CRACR2A: variants seen among roughly 807,000 people sequenced by gnomAD.
CRACR2A encodes calcium release activated channel regulator 2A, also known as EF-hand calcium-binding domain-containing protein 4B.
Under a neutral mutation model 90.5 loss-of-function variants are expected in CRACR2A, and 79 were observed. The ratio of observed to expected loss-of-function variants is 0.87; its 90% CI spans 0.73 to 1.05. The LOEUF is 1.05. Among genes scored for constraint, CRACR2A ranks in the 50% least tolerant of loss-of-function variants. The probability of loss-of-function intolerance (pLI) is 0.00; values close to 1 mark genes in which losing one functional copy is unlikely to be tolerated. For missense variants in CRACR2A, 823 were observed against 897.2 expected (o/e 0.92, Z 1.06); for synonymous variants, 338 against 356.7 (o/e 0.95, Z 0.59).
Position 3,616,935 on chromosome 12 carries a change from G to A in CRACR2A, c.2111+19C>T. ...GCTGGACACAGCAGTTACTGCACCT[G>A]GGGAGCACATCTCTTTACCTGGCCA... On this transcript the variant is annotated intron_variant, in intron 19 of 19. Transcript: ENST00000440314. 1 of 1,540,340 alleles carries A rather than the reference G, an allele frequency of 6.5e-7. No individual in the cohort carries two copies. Among genetic ancestry groups the A allele is most frequent in the African/African-American group, 1.4e-5 (1 of 72,904 alleles).
chr12:3,696,982 C>T lies in CRACR2A; in HGVS notation c.18G>A (p.Gly6=), dbSNP rs774995333. 1.9e-6 allele frequency: 3 copies of T among 1,610,518 alleles called. No homozygotes were observed. The highest frequency in any genetic ancestry group is 2.2e-5 in the South Asian group (2 of 90,886). The change falls in exon 4 of 20, where the codon GGG becomes GGA. Residue 6 remains glycine, a synonymous_variant. Transcript: ENST00000440314. Reference sequence around the variant, plus strand: ...GTCTCTGGGGTCTGGAGACTACCCTCCCGTCAGGGGCAGCCATCGCGATTA... The same window carrying T: ...GTCTCTGGGGTCTGGAGACTACCCTTCCGTCAGGGGCAGCCATCGCGATTA... MAAPD[G]RVVSRPQRLG...
chr12:3,725,317 C>A (rs1466744842), intron 2 of CRACR2A, among the ~76,000 whole-genome samples: 1 of 152,170 alleles, frequency 6.6e-6, no homozygotes, highest in Non-Finnish European at 1.5e-5. Flanking sequence ...CGCTGTGTCC[C>A]CTCTAAAGGC....
chr12:3,685,871 TACA>T (rs1217991830), intron 4 of CRACR2A, among the ~76,000 whole-genome samples: 1 of 152,214 alleles, frequency 6.6e-6, no homozygotes, highest in East Asian at 1.9e-4. Flanking sequence ...AAAAAATGGT[TACA>T]ATGGTAAATT....
intron 17 of CRACR2A, among the ~76,000 whole-genome samples, chr12:3,626,815 CAT>C (rs1177532227): frequency 2.0e-5 from 3 of 151,788 alleles, no homozygotes; most frequent in Non-Finnish European, 4.4e-5. Context: ...GAATCATAAA[CAT>C]AGAGTCTCCC....
chr12:3,748,073 T>C (rs1565512465), intron 1 of CRACR2A, among the ~76,000 whole-genome samples: 1 of 151,970 alleles, frequency 6.6e-6, no homozygotes, highest in Non-Finnish European at 1.5e-5. Flanking sequence ...GGCTCAGGGG[T>C]ACACTACGAG....
At chr12:3,653,181 C>G (rs1161704097) in intron 10 of CRACR2A, among the ~76,000 whole-genome samples, 2 of 152,120 alleles carry the variant, frequency 1.3e-5, no homozygotes, top group Non-Finnish European at 2.9e-5. Context: ...TGGGGTTTCA[C>G]CGTGTTGGTC....
chr12:3,712,293 A>G (rs1199172384), intron 3 of CRACR2A, among the ~76,000 whole-genome samples: 2 of 151,988 alleles, frequency 1.3e-5, no homozygotes, highest in African/African-American at 4.8e-5. Flanking sequence ...TTGCATTGCT[A>G]TAAAGAAATA....
intron 11 of CRACR2A, among the ~76,000 whole-genome samples, chr12:3,646,348 G>A (rs1299647160): frequency 6.6e-6 from 1 of 152,204 alleles, no homozygotes; most frequent in Admixed American, 6.5e-5. Flanking sequence ...CCACACTTTT[G>A]AAGGGCAAGG....
At chr12:3,636,585 C>T (rs1944458278) in intron 14 of CRACR2A, among the ~76,000 whole-genome samples, 1 of 152,260 alleles carries the variant, frequency 6.6e-6, no homozygotes, top group South Asian at 2.1e-4. Context: ...TGAGCAGACG[C>T]TTAAGCCTTT....
At chr12:3,679,343 C>T (rs146590019) in intron 5 of CRACR2A, among the ~76,000 whole-genome samples, 79 of 152,286 alleles carry the variant, frequency 5.2e-4, no homozygotes, top group African/African-American at 1.5e-3. Context: ...AAGACGGATA[C>T]GGTGTCTCCT....
intron 7 of CRACR2A, among the ~76,000 whole-genome samples, chr12:3,660,159 C>G (rs771953081): frequency 2.0e-5 from 3 of 152,162 alleles, no homozygotes; most frequent in Non-Finnish European, 4.4e-5. Context: ...ACCCTCTGAC[C>G]CTGCACTCTC....
rs910140387 is a variant in CRACR2A at position 3,673,904 on chromosome 12, C to G, written c.525-312G>C. ...GTCACTGATGGAGTCAGGGGTCCAG[C>G]TCAGGGCTGTCTGACTCCGGTGTTG... On this transcript the variant is annotated intron_variant, in intron 6 of 19. Transcript: ENST00000440314. Among the ~76,000 whole-genome samples, 5 of 152,322 alleles carry G rather than the reference C, an allele frequency of 3.3e-5. No individual in the cohort carries two copies. The East Asian group carries it at 9.6e-4, about 29-fold the overall frequency.
At chr12:3,727,918 G>A (rs1414422439) in intron 2 of CRACR2A, 1 of 152,170 alleles carries the variant, frequency 6.6e-6, no homozygotes, top group Non-Finnish European at 1.5e-5. Context: ...CTGATCAAGT[G>A]TAACCTCATT....
chr12:3,675,746 C>T (rs974324933), intron 6 of CRACR2A, among the ~76,000 whole-genome samples: 4 of 152,098 alleles, frequency 2.6e-5, no homozygotes, highest in African/African-American at 7.2e-5. Context: ...AAAACAGAAA[C>T]GTAAATGTGA....
chr12:3,744,206 G>A (rs752636296), intron 1 of CRACR2A, among the ~76,000 whole-genome samples: 5 of 152,212 alleles, frequency 3.3e-5, no homozygotes, highest in Non-Finnish European at 5.9e-5. Flanking sequence ...TAGTATGTGT[G>A]TAATTAGTTG....
At chr12:3,743,190 C>T (rs74058340) in intron 1 of CRACR2A, among the ~76,000 whole-genome samples, 1,668 of 152,226 alleles carry the variant, frequency 0.011, 36 homozygotes, top group African/African-American at 0.038. Context: ...GTTTAGTTTG[C>T]GATGTGTGAC....
intron 2 of CRACR2A, among the ~76,000 whole-genome samples, chr12:3,715,324 T>C (rs1473859896): frequency 6.6e-6 from 1 of 152,242 alleles, no homozygotes; most frequent in East Asian, 1.9e-4. Context: ...CTTCACTCAA[T>C]ATCCCAGCAA....
chr12:3,750,662 G>A (rs1161842150), intron 1 of CRACR2A, among the ~76,000 whole-genome samples: 1 of 152,194 alleles, frequency 6.6e-6, no homozygotes, highest in East Asian at 1.9e-4. Flanking sequence ...ACTATTTTGT[G>A]TGGAAGAAAA....
intron 4 of CRACR2A, among the ~76,000 whole-genome samples, chr12:3,692,482 G>A (rs1185939933): frequency 8.8e-5 from 13 of 148,464 alleles, no homozygotes; most frequent in Non-Finnish European, 1.8e-4. Context: ...TTTTTTCTCT[G>A]GCTCCTCAAG....
Sources: allele counts gnomAD v4.1 joint callset (sites outside exome capture counted in the v4.1 genomes callset), GRCh38; gene constraint gnomAD v4.1.1; transcripts MANE v1.5; gene names NCBI Gene and HGNC (gene_info 2026-07-23, HGNC 2026-07-21).